EYS: variants seen among roughly 807,000 people sequenced by gnomAD.
The protein encoded by EYS is protein eyes shut homolog.
EYS carries 250 observed loss-of-function variants against 282.1 expected under a neutral mutation model. That is an observed-to-expected ratio of 0.89 (90% CI 0.80 to 0.98). The LOEUF is 0.98. Among genes scored for constraint, EYS ranks in the 50% least tolerant of loss-of-function variants. The pLI, the probability that EYS is intolerant of heterozygous loss-of-function variation, is 0.00. For missense variants in EYS, 4,016 were observed against 3,709.0 expected (o/e 1.08, Z -2.15); for synonymous variants, 1,355 against 1,282.9 (o/e 1.06, Z -1.20).
intron 31 of EYS, among the ~76,000 whole-genome samples, chr6:64,230,125 A>G (rs1196313042): frequency 6.6e-6 from 1 of 152,224 alleles, no homozygotes; most frequent in Non-Finnish European, 1.5e-5. Flanking sequence ...AGCTTCATTA[A>G]TGTTAAAACC....
Position 63,721,327 on chromosome 6 carries a change from A to G in EYS, c.8704T>C (p.Leu2902=). 4 of 1,552,010 alleles carry G rather than the reference A, an allele frequency of 2.6e-6. No homozygotes were observed. Among genetic ancestry groups the G allele is most frequent in the South Asian group, 2.4e-5 (2 of 84,066 alleles). The part of the protein sequence containing the change: ...VNGTTFSCRC[L]PDWAGNTCNQ... ...CATGTATTTCCAGCCCAATCTGGCA[A>G]ACATCTGCAAGAAAAAGTTGTGCCA... Residue 2902 remains leucine, a synonymous_variant, in exon 43 of 43, where the codon TTG becomes CTG. Coordinates refer to ENST00000503581, the MANE Select transcript of EYS (RefSeq NM_001142800.2).
At chr6:65,134,779 TA>T (rs1233730229) in intron 12 of EYS, among the ~76,000 whole-genome samples, 3 of 151,990 alleles carry the variant, frequency 2.0e-5, no homozygotes, top group African/African-American at 4.8e-5. Context: ...AATTTATCAT[TA>T]AAACTGAGAT....
intron 31 of EYS, among the ~76,000 whole-genome samples, chr6:64,108,980 A>G (rs1773120079): frequency 1.3e-5 from 2 of 152,142 alleles, no homozygotes; most frequent in South Asian, 2.1e-4. Flanking sequence ...GTCAAGTAAC[A>G]TGCTCAGGAA....
At chr6:65,402,092 G>T (rs1476775916) in intron 7 of EYS, among the ~76,000 whole-genome samples, 2 of 151,592 alleles carry the variant, frequency 1.3e-5, no homozygotes, top group African/African-American at 4.8e-5. Context: ...AACACAGGAA[G>T]AAATATTCTA....
At chr6:64,687,768 T>C (rs959485189) in intron 22 of EYS, among the ~76,000 whole-genome samples, 3 of 152,210 alleles carry the variant, frequency 2.0e-5, no homozygotes, top group Admixed American at 6.5e-5. Flanking sequence ...TTTTTTTCTA[T>C]TGATTGGAAT....
chr6:65,094,120 CAAAG>C (rs1345009378), intron 12 of EYS, among the ~76,000 whole-genome samples: 1 of 150,778 alleles, frequency 6.6e-6, no homozygotes, highest in Admixed American at 6.6e-5. Flanking sequence ...TCACAGGAAA[CAAAG>C]AAGATTATAT....
intron 31 of EYS, among the ~76,000 whole-genome samples, chr6:64,176,100 C>T (rs1367739786): frequency 6.6e-6 from 1 of 151,882 alleles, no homozygotes; most frequent in Non-Finnish European, 1.5e-5. Flanking sequence ...GCACACAGTC[C>T]CTTGTTGCTG....
At chr6:64,617,257 G>C (rs939675350) in intron 24 of EYS, among the ~76,000 whole-genome samples, 161 bp downstream of exon 24, 1 of 152,116 alleles carries the variant, frequency 6.6e-6, no homozygotes, top group African/African-American at 2.4e-5. Context: ...GACAACAAGG[G>C]AAAGAGGAAT....
At chr6:65,531,617 C>T (rs1345209859) in intron 2 of EYS, among the ~76,000 whole-genome samples, 1 of 152,126 alleles carries the variant, frequency 6.6e-6, no homozygotes. Flanking sequence ...TCCCTATGAG[C>T]AGCATAAATA....
rs1230508325 is a variant in EYS, at chr6:64,295,518, AAAGAAGAAAG to A, written c.6191+11442_6191+11451del. Among the ~76,000 whole-genome samples the A allele has an allele frequency of 2.6e-3, 94 of 35,898 alleles. 33 individuals carry two copies. The highest frequency in any genetic ancestry group is 7.4e-3 in the East Asian group (15 of 2,016). The allele number at this position is 35,898 out of a possible 152,430, so 23.6% of individuals were successfully genotyped here. On this transcript the variant is annotated intron_variant, in intron 30 of 42. Transcript: ENST00000503581. ...GAAGAAAGAAGAAAGAAGAAAGAAG[AAAGAAGAAAG>A]AAGAAGAAAGAAGAAGAAAGAAGAA... is the stretch of plus-strand genomic sequence containing the variant.
intron 35 of EYS, among the ~76,000 whole-genome samples, chr6:63,902,837 G>A (rs574777210): frequency 6.7e-6 from 1 of 149,118 alleles, no homozygotes; most frequent in Non-Finnish European, 1.5e-5. Context: ...AGGGGCATGG[G>A]CGGTAACAGT....
chr6:64,548,473 A>T (rs1764953316), intron 26 of EYS, among the ~76,000 whole-genome samples: 1 of 152,236 alleles, frequency 6.6e-6, no homozygotes, highest in Non-Finnish European at 1.5e-5. Flanking sequence ...TGTGACACAT[A>T]TACACCATGG....
chr6:65,612,439 T>C (rs1766033712), intron 2 of EYS, among the ~76,000 whole-genome samples: 1 of 151,790 alleles, frequency 6.6e-6, no homozygotes, highest in Admixed American at 6.6e-5. Flanking sequence ...TAGGTGATAC[T>C]AAATTTATTA....
At chr6:64,552,736 A>AT (rs1554177372) in intron 26 of EYS, among the ~76,000 whole-genome samples, 4 of 143,506 alleles carry the variant, frequency 2.8e-5, no homozygotes, top group Non-Finnish European at 6.1e-5. Flanking sequence ...AACATGGTGA[A>AT]CCCCCCCCAC....
At chr6:64,085,060 G>A (rs1206273174) in intron 31 of EYS, among the ~76,000 whole-genome samples, 2 of 152,120 alleles carry the variant, frequency 1.3e-5, no homozygotes, top group African/African-American at 2.4e-5. Flanking sequence ...TGCACAGGCT[G>A]CAACTGTGGT....
chr6:64,820,134 AT>A (rs1718946419), intron 21 of EYS, among the ~76,000 whole-genome samples: 1 of 152,032 alleles, frequency 6.6e-6, no homozygotes, highest in Non-Finnish European at 1.5e-5. Context: ...CTTTATAGCT[AT>A]TAAAAAGAAT....
chr6:64,943,157 C>A (rs1321980629), intron 15 of EYS, among the ~76,000 whole-genome samples: 1 of 151,986 alleles, frequency 6.6e-6, no homozygotes, highest in East Asian at 1.9e-4. Context: ...TGAAATTCAA[C>A]ATCATGCTAA....
intron 5 of EYS, among the ~76,000 whole-genome samples, chr6:65,420,711 A>G (rs1767421633): frequency 6.6e-6 from 1 of 151,946 alleles, no homozygotes; most frequent in African/African-American, 2.4e-5. Context: ...AGCATTTCTT[A>G]AATAAAAAGA....
intron 12 of EYS, among the ~76,000 whole-genome samples, chr6:65,154,418 T>C (rs908218063): frequency 2.0e-5 from 3 of 151,706 alleles, no homozygotes; most frequent in Non-Finnish European, 4.4e-5. Context: ...AATAGTTTTA[T>C]ACAATGAAAT....
Sources: allele counts gnomAD v4.1 joint callset (sites outside exome capture counted in the v4.1 genomes callset), GRCh38; gene constraint gnomAD v4.1.1; transcripts MANE v1.5; gene names NCBI Gene and HGNC (gene_info 2026-07-23, HGNC 2026-07-21).